SCOC: variants seen among roughly 807,000 people sequenced by gnomAD.
The protein encoded by SCOC is short coiled-coil protein, also known as short coiled coil protein.
A neutral mutation model predicts 9.9 loss-of-function variants in SCOC; 7 were observed. The ratio of observed to expected loss-of-function variants is 0.71; its 90% CI spans 0.40 to 1.33. The LOEUF (loss-of-function observed/expected upper bound fraction) is 1.33, where lower values mean the gene tolerates loss of function less well. Ranked by LOEUF, SCOC falls within the 40% of genes most tolerant of loss-of-function variation. SCOC has a pLI of 0.01. For synonymous variants in SCOC, 19 were observed against 28.2 expected (o/e 0.67, Z 1.03); for missense variants, 66 against 89.7 (o/e 0.74, Z 1.07).
chr4:140,381,147 T>G lies in SCOC; in HGVS notation c.*43T>G. On this transcript the variant is annotated 3_prime_UTR_variant, in exon 4 of 4. Transcript: ENST00000608372. ...GTTTTATGGAATTGCTGCTGATCAT[T>G]TTTTCTTTAAAACTTGGATAGATTC... 1 of 1,539,808 alleles carries G rather than the reference T, an allele frequency of 6.5e-7. No individual in the cohort carries two copies. The highest frequency in any genetic ancestry group is 8.7e-7 in the Non-Finnish European group (1 of 1,153,482).
intron 1 of SCOC, among the ~76,000 whole-genome samples, chr4:140,273,835 A>T (rs190775527): frequency 6.6e-6 from 1 of 152,216 alleles, no homozygotes; most frequent in African/African-American, 2.4e-5. Context: ...ATGTCTTCCA[A>T]TTCTGCCCCA....
chr4:140,314,002 G>A lies in SCOC; in HGVS notation c.-18-29619G>A, dbSNP rs1391497182. Among the ~76,000 whole-genome samples, 6 of 151,630 alleles carry A rather than the reference G, an allele frequency of 4.0e-5. No homozygotes were observed. In the South Asian group the frequency reaches 6.2e-4, roughly 16 times the overall value. ...AAATTAGCCGGGTGTGGTGGCACTC[G>A]CCTGTAGTCCTGGCTACCTTGGAGG... On this transcript the variant is annotated intron_variant, in intron 1 of 4. Coordinates refer to the SCOC transcript ENST00000394205.
intron 1 of SCOC, among the ~76,000 whole-genome samples, chr4:140,270,615 G>T (rs1482584709): frequency 1.3e-5 from 2 of 152,300 alleles, no homozygotes; most frequent in South Asian, 2.1e-4. Flanking sequence ...ACCCCTCATT[G>T]CCTGCTACCT....
Position 140,379,200 on chromosome 4 carries a change from C to G in SCOC, c.22+8C>G, listed in dbSNP as rs562988401. 1.3e-6 allele frequency: 2 copies of G among 1,584,782 alleles called. No homozygotes were observed. Among genetic ancestry groups the G allele is most frequent in the Middle Eastern group, 1.7e-4 (1 of 6,008 alleles). ...TGAATGCTGACATGGATGGTATGTTCTTCATTTTCTTTTTTGTATACTCCT... is the reference window on the plus strand; with the variant it reads ...TGAATGCTGACATGGATGGTATGTTGTTCATTTTCTTTTTTGTATACTCCT... On this transcript the variant is annotated splice_region_variant and intron_variant, in intron 2 of 3. Coordinates refer to ENST00000608372, the MANE Select transcript of SCOC (RefSeq NM_001153484.2).
chr4:140,297,271 G>T lies in SCOC; in HGVS notation c.-19+39861G>T, dbSNP rs995943416. On this transcript the variant is annotated intron_variant, in intron 1 of 4. Coordinates refer to the SCOC transcript ENST00000394205. ...AGAGGAGAGCATTCTGGTGACTGTG[G>T]GGGGGGGGGCACTGTTGTCAGTATC... Among the ~76,000 whole-genome samples, 15 of 7,126 alleles carry T rather than the reference G, an allele frequency of 2.1e-3. No homozygotes were observed. The South Asian group carries it at 0.034, about 16-fold the overall frequency. The allele number at this position is 7,126 out of a possible 152,430, so 4.7% of individuals were successfully genotyped here.
At chr4:140,289,549 T>C (rs1731406852) in intron 1 of SCOC, among the ~76,000 whole-genome samples, 1 of 152,186 alleles carries the variant, frequency 6.6e-6, no homozygotes, top group Non-Finnish European at 1.5e-5. Context: ...GCTGAGGCTC[T>C]GTGGGCAGAC....
At chr4:140,378,534 G>A (rs1728438726) in intron 1 of SCOC, among the ~76,000 whole-genome samples, 1 of 152,048 alleles carries the variant, frequency 6.6e-6, no homozygotes, top group Admixed American at 6.6e-5. Context: ...GTTTAATACA[G>A]ACTGGGCAAC....
At position 140,347,907 on chromosome 4, in the gene SCOC, A is replaced by G. The variant is rs575099692; in HGVS notation, c.70+4199A>G. On this transcript the variant is annotated intron_variant, in intron 2 of 4. Coordinates refer to the SCOC transcript ENST00000338517. ...TCTTTCAAGGACATGCTTTGTTTGC[A>G]TGTTAAATTTATGGGAACATTCTTC... Among the ~76,000 whole-genome samples, 8 of 152,320 alleles carry G rather than the reference A, an allele frequency of 5.3e-5. No homozygotes were observed. The South Asian group carries it at 1.7e-3, about 32-fold the overall frequency.
chr4:140,340,782 A>AATTTTTTTTTTT (rs1726483025), upstream of SCOC, among the ~76,000 whole-genome samples: 2 of 49,658 alleles, frequency 4.0e-5, no homozygotes, highest in African/African-American at 1.9e-4. Context: ...ATGCTGCCTA[A>AATTTTTTTTTTT]CTTTTTTTTT....
chr4:140,371,042 C>T (rs930516264), upstream of SCOC, among the ~76,000 whole-genome samples: 5 of 152,134 alleles, frequency 3.3e-5, no homozygotes, highest in East Asian at 9.7e-4. Context: ...CCCGCCACCA[C>T]GCCCAGCTAA....
chr4:140,295,997 G>T (rs904331317), intron 1 of SCOC, among the ~76,000 whole-genome samples: 1 of 150,854 alleles, frequency 6.6e-6, no homozygotes, highest in African/African-American at 2.4e-5. Context: ...TAAAGCTGCA[G>T]GTGCCTGGGT....
intron 1 of SCOC, among the ~76,000 whole-genome samples, chr4:140,304,265 T>G (rs1352539218): frequency 6.6e-6 from 1 of 152,160 alleles, no homozygotes; most frequent in Non-Finnish European, 1.5e-5. Context: ...CAGGGTTTTG[T>G]TGTTGTTGTT....
chr4:140,325,378 C>T (rs1732615149), intron 1 of SCOC, among the ~76,000 whole-genome samples: 1 of 151,980 alleles, frequency 6.6e-6, no homozygotes, highest in Non-Finnish European at 1.5e-5. Flanking sequence ...AAGACTGGCA[C>T]AGAGGCAAGG....
intron 2 of SCOC, among the ~76,000 whole-genome samples, chr4:140,355,211 TTATATATA>T (rs34322076): frequency 3.3e-5 from 2 of 61,424 alleles, no homozygotes; most frequent in Admixed American, 1.9e-4. Context: ...CATTATATTT[TTATATATA>T]TATATATATA....
intron 2 of SCOC, among the ~76,000 whole-genome samples, chr4:140,353,829 C>A (rs1049473684): frequency 2.0e-5 from 3 of 152,230 alleles, no homozygotes; most frequent in Non-Finnish European, 2.9e-5. Flanking sequence ...CCTCCACCAG[C>A]CTTCTTGGGA....
intron 1 of SCOC, among the ~76,000 whole-genome samples, chr4:140,300,730 A>G (rs1731788655): frequency 6.6e-6 from 1 of 152,218 alleles, no homozygotes; most frequent in Non-Finnish European, 1.5e-5. Context: ...TGAGACAGAA[A>G]ATGTCAACAG....
At chr4:140,349,521 A>G (rs1161235515) in intron 2 of SCOC, among the ~76,000 whole-genome samples, 1 of 152,112 alleles carries the variant, frequency 6.6e-6, no homozygotes, top group Non-Finnish European at 1.5e-5. Flanking sequence ...TCATAATCCA[A>G]TTGCTTGCCT....
chr4:140,359,899 C>G (rs1727389879), intron 2 of SCOC, among the ~76,000 whole-genome samples: 1 of 152,196 alleles, frequency 6.6e-6, no homozygotes, highest in Non-Finnish European at 1.5e-5. Context: ...GAACTCTAAA[C>G]AAGATCCCAT....
chr4:140,286,638 C>T (rs966613547), intron 1 of SCOC, among the ~76,000 whole-genome samples: 2 of 152,360 alleles, frequency 1.3e-5, no homozygotes, highest in African/African-American at 4.8e-5. Context: ...GCCGTGTGCC[C>T]GCGCCGTTCC....
Sources: gnomAD v4.1 joint callset for allele counts (sites outside exome capture counted in the v4.1 genomes callset) on GRCh38, gnomAD v4.1.1 for gene constraint, MANE v1.5 for transcripts, NCBI Gene and HGNC (gene_info 2026-07-23, HGNC 2026-07-21) for gene names.